Variants in FAM227B observed in about 807,000 individuals in gnomAD.
FAM227B encodes protein FAM227B.
A neutral mutation model predicts 73.8 loss-of-function variants in FAM227B; 88 were observed. The observed-to-expected ratio is 1.19, with a 90% CI of 1.00 to 1.42. The LOEUF is 1.42. Ranked by LOEUF, FAM227B falls within the 40% of genes most tolerant of loss-of-function variation. The probability of loss-of-function intolerance (pLI) is 0.00; values close to 1 mark genes in which losing one functional copy is unlikely to be tolerated. For missense variants in FAM227B, 632 were observed against 590.9 expected (o/e 1.07, Z -0.72); for synonymous variants, 210 against 190.5 (o/e 1.10, Z -0.84).
intron 11 of FAM227B, among the ~76,000 whole-genome samples, chr15:49,489,875 TATATATATAGAGAGAG>T (rs1390239153): frequency 5.8e-5 from 1 of 17,140 alleles, no homozygotes; most frequent in African/African-American, 1.4e-4. Context: ...TATATATATA[TATATATATAGAGAGAG>T]AGAGAGAGAG....
Position 49,393,127 on chromosome 15 carries a change from A to G in FAM227B, c.1013-21728T>C, listed in dbSNP as rs984529082. ...ACCTTGAAATAATGCAATCAAAGTG[A>G]TAACAAAATTTATGTTTTGGTGAGT... On this transcript the variant is annotated intron_variant, in intron 11 of 15. Coordinates refer to ENST00000299338, the MANE Select transcript of FAM227B (RefSeq NM_152647.3). Among the ~76,000 whole-genome samples the G allele has an allele frequency of 3.3e-5, 5 of 152,220 alleles. No homozygotes were observed. In the South Asian group the frequency reaches 1.0e-3, roughly 32 times the overall value.
intron 10 of FAM227B, among the ~76,000 whole-genome samples, chr15:49,514,302 AG>A (rs1203227070): frequency 6.6e-6 from 1 of 151,970 alleles, no homozygotes; most frequent in Non-Finnish European, 1.5e-5. Context: ...CTCCTTGAAG[AG>A]GTCTTTCATG....
chr15:49,552,029 T>C (rs1056890142), intron 9 of FAM227B, among the ~76,000 whole-genome samples: 2 of 152,218 alleles, frequency 1.3e-5, no homozygotes, highest in Non-Finnish European at 2.9e-5. Flanking sequence ...CACACAACAG[T>C]TGCAGTGTTT....
chr15:49,479,966 C>T (rs761009798), intron 11 of FAM227B, among the ~76,000 whole-genome samples: 2 of 152,104 alleles, frequency 1.3e-5, no homozygotes, highest in African/African-American at 4.8e-5. Flanking sequence ...ACATCACTCC[C>T]CACACTGCAA....
chr15:49,410,427 T>C (rs1447380507), intron 11 of FAM227B, among the ~76,000 whole-genome samples: 2 of 152,168 alleles, frequency 1.3e-5, no homozygotes, highest in African/African-American at 2.4e-5. Flanking sequence ...TTAACATCTA[T>C]TTGCTCTTTT....
intron 10 of FAM227B, among the ~76,000 whole-genome samples, chr15:49,523,417 A>G (rs2152184107): frequency 6.6e-6 from 1 of 152,306 alleles, no homozygotes; most frequent in African/African-American, 2.4e-5. Context: ...CCATCCATGT[A>G]AGAAATGACT....
At chr15:49,381,050 C>A (rs182425673) in intron 11 of FAM227B, among the ~76,000 whole-genome samples, 4 of 152,228 alleles carry the variant, frequency 2.6e-5, no homozygotes, top group Non-Finnish European at 4.4e-5. Flanking sequence ...TGGTGAGAAA[C>A]GAAGCAAGAG....
intron 3 of FAM227B, among the ~76,000 whole-genome samples, chr15:49,603,369 TC>T (rs2077322981): frequency 6.6e-6 from 1 of 152,168 alleles, no homozygotes; most frequent in Non-Finnish European, 1.5e-5. Flanking sequence ...TTAACTTGAT[TC>T]CTTAGGTATT....
At chr15:49,590,789 C>T (rs1236811491) in intron 3 of FAM227B, among the ~76,000 whole-genome samples, 1 of 152,106 alleles carries the variant, frequency 6.6e-6, no homozygotes, top group African/African-American at 2.4e-5. Flanking sequence ...TCTCTCCTGT[C>T]TGAAACTTTG....
chr15:49,527,951 T>A (rs572046665), intron 10 of FAM227B, among the ~76,000 whole-genome samples: 3 of 151,984 alleles, frequency 2.0e-5, no homozygotes, highest in Admixed American at 2.0e-4. Flanking sequence ...ACTGATTCAA[T>A]GCAATTCCTA....
chr15:49,365,076 C>T (rs772633537), intron 13 of FAM227B: 4 of 597,178 alleles, frequency 6.7e-6, no homozygotes, highest in Non-Finnish European at 1.2e-5. Context: ...AAGTCAAAGT[C>T]TATTTGTAGA....
chr15:49,616,649 C>T (rs1047837224), intron 1 of FAM227B, among the ~76,000 whole-genome samples: 1 of 152,136 alleles, frequency 6.6e-6, no homozygotes, highest in Non-Finnish European at 1.5e-5. Flanking sequence ...AAATAAACTA[C>T]TGTTGTTTAA....
chr15:49,518,074 T>C (rs986883588), intron 10 of FAM227B, among the ~76,000 whole-genome samples: 3 of 152,198 alleles, frequency 2.0e-5, no homozygotes, highest in African/African-American at 2.4e-5. Context: ...TTGATGATTA[T>C]AGACAGGCCT....
rs1376045407 is a variant in FAM227B at position 49,588,094 on chromosome 15, A to G, written c.338-11T>C. The G allele has an allele frequency of 2.2e-6, 3 of 1,392,176 alleles. No individual in the cohort carries two copies. Among genetic ancestry groups the G allele is most frequent in the Non-Finnish European group, 2.9e-6 (3 of 1,039,838 alleles). 86.2% of individuals were successfully genotyped at this position (1,392,176 alleles called of 1,614,324 possible). ...ATTTTCTATAAGAACCTTTAAGAAA[A>G]TAAGAATTCACAGTATATATATTAT... is the stretch of plus-strand genomic sequence containing the variant. On this transcript the variant is annotated splice_polypyrimidine_tract_variant and intron_variant, in intron 4 of 15. Transcript: ENST00000299338.
rs1284431843 is a variant in FAM227B, at chr15:49,359,371, T to A, written c.1271+8077A>T. On this transcript the variant is annotated intron_variant, in intron 13 of 15. Coordinates refer to ENST00000299338, the MANE Select transcript of FAM227B (RefSeq NM_152647.3). ...AAGGGCTAATATCCAGAATCTACAA[T>A]AAACTCAAACAAATTTACAAGAAAA... Among the ~76,000 whole-genome samples, 32 of 118,200 alleles carry A rather than the reference T, an allele frequency of 2.7e-4. 6 individuals carry two copies. The highest frequency in any genetic ancestry group is 1.0e-3 in the African/African-American group (32 of 30,684). 77.5% of individuals were successfully genotyped at this position (118,200 alleles called of 152,430 possible).
intron 10 of FAM227B, among the ~76,000 whole-genome samples, chr15:49,510,625 A>G (rs2058924698): frequency 6.6e-6 from 1 of 152,002 alleles, no homozygotes; most frequent in African/African-American, 2.4e-5. Context: ...TCATTTAGGG[A>G]GCTCCCTTCA....
At chr15:49,464,028 A>C (rs964737510) in intron 11 of FAM227B, among the ~76,000 whole-genome samples, 3 of 152,044 alleles carry the variant, frequency 2.0e-5, no homozygotes. Context: ...CCTGGCTTTG[A>C]ATAAGTTGTG....
chr15:49,465,499 T>C (rs1247338695), intron 11 of FAM227B, among the ~76,000 whole-genome samples: 1 of 152,094 alleles, frequency 6.6e-6, no homozygotes, highest in Non-Finnish European at 1.5e-5. Context: ...TCTTACAGAG[T>C]ACATAGAAAA....
At chr15:49,558,441 C>T (rs1339722937) in intron 9 of FAM227B, among the ~76,000 whole-genome samples, 2 of 152,180 alleles carry the variant, frequency 1.3e-5, no homozygotes, top group Non-Finnish European at 2.9e-5. Flanking sequence ...CTGCCAGTCT[C>T]CATTGCTCCA....
Sources: gnomAD v4.1 joint callset for allele counts (sites outside exome capture counted in the v4.1 genomes callset) on GRCh38, gnomAD v4.1.1 for gene constraint, MANE v1.5 for transcripts, NCBI Gene and HGNC (gene_info 2026-07-23, HGNC 2026-07-21) for gene names.